Variants in LCORL observed in about 807,000 individuals in gnomAD.
The protein encoded by LCORL is ligand dependent nuclear receptor corepressor like, also known as ligand-dependent nuclear receptor corepressor-like protein.
In LCORL, 41 loss-of-function variants were observed where a neutral mutation model predicts 141.8. The observed-to-expected ratio is 0.29, with a 90% CI of 0.23 to 0.38. The LOEUF (loss-of-function observed/expected upper bound fraction) is 0.38, where lower values mean the gene tolerates loss of function less well. LCORL is among the 10% of genes least tolerant of loss of function. The pLI is 1.00. For synonymous variants in LCORL, 618 were observed against 694.1 expected, an observed-to-expected ratio of 0.89 and a Z score of 1.72; for missense variants, 1,759 against 2,035.0, an observed-to-expected ratio of 0.86 and a Z score of 2.61.
intron 5 of LCORL, among the ~76,000 whole-genome samples, chr4:17,892,676 T>C (rs1029554541): frequency 1.6e-4 from 24 of 152,226 alleles, no homozygotes; most frequent in African/African-American, 4.6e-4. Flanking sequence ...ACATTTATAA[T>C]AGCAAATTTA....
intron 7 of LCORL, among the ~76,000 whole-genome samples, chr4:17,865,685 C>T (rs1725558920): frequency 2.0e-5 from 3 of 152,206 alleles, no homozygotes. Flanking sequence ...AACACTTACA[C>T]TCTATTACCA....
exon 7 of LCORL, chr4:17,876,117 C>T (rs934012587): frequency 8.1e-7 from 1 of 1,230,822 alleles, no homozygotes; most frequent in Non-Finnish European, 1.0e-6. Flanking sequence ...TTTGATAGGA[C>T]TAGAATAGTT....
At chr4:17,872,965 T>C (rs772657469) in intron 7 of LCORL, among the ~76,000 whole-genome samples, 1 of 152,116 alleles carries the variant, frequency 6.6e-6, no homozygotes, top group African/African-American at 2.4e-5. Context: ...CATGGTCTCA[T>C]AGTTGTGGTT....
chr4:17,842,750 T>C (rs1317291149), exon 8 of LCORL: 1 of 179,460 alleles, frequency 5.6e-6, no homozygotes, highest in East Asian at 1.5e-4. Context: ...GTATATTGTG[T>C]GGTAGAGTGT....
intron 2 of LCORL, among the ~76,000 whole-genome samples, chr4:17,969,539 A>T (rs1475916757): frequency 6.6e-6 from 1 of 152,194 alleles, no homozygotes; most frequent in Non-Finnish European, 1.5e-5. Context: ...AAGAGAAAAC[A>T]GTAGGTTTGC....
chr4:17,899,747 A>C (rs1730594265), intron 5 of LCORL, among the ~76,000 whole-genome samples: 1 of 152,196 alleles, frequency 6.6e-6, no homozygotes, highest in Non-Finnish European at 1.5e-5. Context: ...AAAAGAAAAA[A>C]ACAAGAATTG....
At chr4:17,902,578 T>A (rs374022994) in intron 5 of LCORL, among the ~76,000 whole-genome samples, 1 of 152,138 alleles carries the variant, frequency 6.6e-6, no homozygotes, top group Admixed American at 6.6e-5. Flanking sequence ...ATAAACCACA[T>A]AATTAAGCAT....
At chr4:18,019,137 G>A (rs1341963894) in intron 1 of LCORL, among the ~76,000 whole-genome samples, 9 of 152,162 alleles carry the variant, frequency 5.9e-5, no homozygotes, top group Admixed American at 3.9e-4. Context: ...AATGGGATTC[G>A]AGACCAGCCT....
At chr4:18,015,816 G>A in intron 1 of LCORL, among the ~76,000 whole-genome samples, 1 of 150,630 alleles carries the variant, frequency 6.6e-6, no homozygotes, top group East Asian at 1.9e-4. Context: ...AAGTAAAATA[G>A]AGAGTAGATA....
At chr4:17,870,285 G>A (rs1023151648) in intron 7 of LCORL, among the ~76,000 whole-genome samples, 2 of 152,254 alleles carry the variant, frequency 1.3e-5, no homozygotes, top group African/African-American at 4.8e-5. Flanking sequence ...TGTTTGTTTT[G>A]CAGAGATGGG....
At chr4:17,851,121 A>C in intron 7 of LCORL, among the ~76,000 whole-genome samples, 1 of 111,214 alleles carries the variant, frequency 9.0e-6, no homozygotes, top group Non-Finnish European at 1.7e-5. Context: ...CACTCTGGGG[A>C]CTGTTGTGGG....
rs747618539 is a variant in LCORL, at chr4:17,843,410, T to TGAA, written c.*2475_*2477dup. On this transcript the variant is annotated 3_prime_UTR_variant, in exon 8 of 8. Transcript: ENST00000635767. ...AACTTAACCTTGCCCAATTTCTCAA[T>TGAA]GAAGATCTAAGTTAGGAAAGACGAT... is the stretch of plus-strand genomic sequence containing the variant. 33 of 1,611,310 alleles carry TGAA rather than the reference T, an allele frequency of 2.0e-5. No individual in the cohort carries two copies. In the African/African-American group the frequency reaches 3.3e-4, roughly 16 times the overall value.
chr4:17,872,257 G>A (rs1445719260), intron 7 of LCORL, among the ~76,000 whole-genome samples: 1 of 151,954 alleles, frequency 6.6e-6, no homozygotes, highest in African/African-American at 2.4e-5. Flanking sequence ...AATAAGAAGA[G>A]CTGGAAATGG....
At chr4:18,013,971 C>A (rs1724226253) in intron 1 of LCORL, among the ~76,000 whole-genome samples, 2 of 152,042 alleles carry the variant, frequency 1.3e-5, no homozygotes. Flanking sequence ...CCATGCCCAG[C>A]TAATTTTTGT....
At position 17,884,700 on chromosome 4, in the gene LCORL, C is replaced by G; in HGVS notation, c.776+1368G>C. 1 of 1,514,612 alleles carries G rather than the reference C, an allele frequency of 6.6e-7. No homozygotes were observed. The highest frequency in any genetic ancestry group is 8.8e-7 in the Non-Finnish European group (1 of 1,134,042). 93.8% of individuals were successfully genotyped at this position (1,514,612 alleles called of 1,614,324 possible). On this transcript the variant is annotated intron_variant, in intron 6 of 7. Coordinates refer to ENST00000635767, the Ensembl canonical transcript of LCORL. This position sits in a 1 kb window ranked among gnomAD's most constrained non-coding sequence, Gnocchi z 4.4. The stretch of plus-strand genomic sequence containing the variant: ...TTCAAAGCTTTTGAGAGCAAACCAT[C>G]TGCAAACTCAGCACTTCTTTCCACA...
chr4:17,908,337 A>C (rs112033481), intron 5 of LCORL, among the ~76,000 whole-genome samples: 11,255 of 152,154 alleles, frequency 0.074, 950 homozygotes, highest in African/African-American at 0.21. Context: ...TGGCCTAACT[A>C]GTATATTCTT....
chr4:17,893,494 C>T, intron 5 of LCORL: 1 of 985,346 alleles, frequency 1.0e-6, no homozygotes, highest in Non-Finnish European at 1.2e-6. Context: ...GTCAGTGGGG[C>T]TGAGCACTGC....
At chr4:17,903,628 T>G (rs1338105543) in intron 5 of LCORL, among the ~76,000 whole-genome samples, 1 of 152,050 alleles carries the variant, frequency 6.6e-6, no homozygotes, top group African/African-American at 2.4e-5. Context: ...GCTCAGAGTA[T>G]TTATACAAAT....
intron 1 of LCORL, among the ~76,000 whole-genome samples, chr4:17,977,828 T>C (rs1348220043): frequency 6.6e-6 from 1 of 152,202 alleles, no homozygotes; most frequent in Non-Finnish European, 1.5e-5. Context: ...ACAATCATTT[T>C]CTTTATCCCA....
Sources: gnomAD v4.1 joint callset for allele counts (sites outside exome capture counted in the v4.1 genomes callset) on GRCh38, gnomAD v4.1.1 for gene constraint, Gnocchi (gnomAD v3.1) non-coding constraint, MANE v1.5 for transcripts, NCBI Gene and HGNC (gene_info 2026-07-23, HGNC 2026-07-21) for gene names.